The following RAB33B variants were observed in gnomAD, a reference collection of about 807,000 sequenced individuals.
RAB33B encodes ras-related protein Rab-33B.
RAB33B carries 6 observed loss-of-function variants against 15.0 expected under a neutral mutation model. The observed-to-expected ratio is 0.40, with a 90% CI of 0.22 to 0.79. RAB33B has a LOEUF of 0.79. Ranked by LOEUF, RAB33B falls within the 30% of genes least tolerant of loss-of-function variation. The pLI, the probability that RAB33B is intolerant of heterozygous loss-of-function variation, is 0.37. For missense variants in RAB33B, 257 were observed against 296.4 expected, an observed-to-expected ratio of 0.87 and a Z score of 0.98; for synonymous variants, 117 against 108.3, an observed-to-expected ratio of 1.08 and a Z score of -0.50.
intron 1 of RAB33B, among the ~76,000 whole-genome samples, chr4:139,464,895 T>C (rs1750252455): frequency 6.6e-6 from 1 of 152,248 alleles, no homozygotes; most frequent in African/African-American, 2.4e-5. Flanking sequence ...ATCCTTTGGG[T>C]ATATACCCAG....
intron 1 of RAB33B, among the ~76,000 whole-genome samples, chr4:139,468,013 C>A (rs1750323397): frequency 6.6e-6 from 1 of 150,724 alleles, no homozygotes; most frequent in South Asian, 2.1e-4. Flanking sequence ...TACCCCGAAG[C>A]CCCACTACCC....
At position 139,474,224 on chromosome 4, in the gene RAB33B, C is replaced by T. The variant is rs576660877; in HGVS notation, c.*1098C>T. On this transcript the variant is annotated 3_prime_UTR_variant, in exon 2 of 2. Coordinates refer to ENST00000305626, the MANE Select transcript of RAB33B (RefSeq NM_031296.3). The stretch of plus-strand genomic sequence containing the variant: ...AGCCGAGTTGCTTTCTTACTAAATC[C>T]TATTAAAATATGCAAAAATAAGTCA... 6.0e-4 allele frequency: 91 copies of T among 152,144 alleles called. No homozygotes were observed. The highest frequency in any genetic ancestry group is 2.4e-3 in the Admixed American group (37 of 15,270). The allele number at this position is 152,144 out of a possible 1,614,324, so 9.4% of individuals were successfully genotyped here.
At chr4:139,455,964 C>T (rs139758375) in intron 1 of RAB33B, among the ~76,000 whole-genome samples, 84 of 152,300 alleles carry the variant, frequency 5.5e-4, no homozygotes, top group African/African-American at 2.0e-3. Flanking sequence ...ATCCCGGGGA[C>T]CCCCTGTATT....
At chr4:139,456,228 CAG>C (rs1750065605) in intron 1 of RAB33B, among the ~76,000 whole-genome samples, 1 of 151,832 alleles carries the variant, frequency 6.6e-6, no homozygotes, top group African/African-American at 2.4e-5. Flanking sequence ...AAGTTGAAAG[CAG>C]AGATAGTGGA....
At chr4:139,457,104 A>T (rs1750083974) in intron 1 of RAB33B, among the ~76,000 whole-genome samples, 1 of 152,238 alleles carries the variant, frequency 6.6e-6, no homozygotes, top group Admixed American at 6.5e-5. Context: ...TTTGATAATC[A>T]TGGACTAGAA....
chr4:139,454,077 G>A, upstream of RAB33B: 2 of 1,226,028 alleles, frequency 1.6e-6, no homozygotes, highest in Non-Finnish European at 1.1e-6. Flanking sequence ...GGTGGGCGGT[G>A]GCTCCTGGGA....
chr4:139,447,735 C>T, the RAB33B span, among the ~76,000 whole-genome samples: 1 of 135,108 alleles, frequency 7.4e-6, no homozygotes, highest in African/African-American at 2.8e-5. Context: ...GGTGGGATCT[C>T]GGCTCACTGC....
At chr4:139,453,919 T>A (rs969868806), upstream of RAB33B, 2 of 306,978 alleles carry the variant, frequency 6.5e-6, no homozygotes, top group African/African-American at 4.4e-5. Context: ...CCCCGACAGG[T>A]CCCACGCCTG....
the RAB33B span, among the ~76,000 whole-genome samples, chr4:139,438,755 G>A: frequency 6.6e-6 from 1 of 152,154 alleles, no homozygotes; most frequent in Non-Finnish European, 1.5e-5. Flanking sequence ...CTCAAGTCAT[G>A]TTGTAAACAA....
At chr4:139,446,021 G>A in the RAB33B span, among the ~76,000 whole-genome samples, 1 of 152,114 alleles carries the variant, frequency 6.6e-6, no homozygotes, top group African/African-American at 2.4e-5. Flanking sequence ...ATCATTAACT[G>A]GGTGCCTTCT....
In RAB33B at chr4:139,463,989, C is replaced by G. The variant is rs146359297; in HGVS notation, c.250-8697C>G. On this transcript the variant is annotated intron_variant, in intron 1 of 1. Transcript: ENST00000305626. ...TCTACAGTAAAGTGTAGAGTTATTTCAGGCTGGGCATGATGGCTTTTGCCT... is the reference window on the plus strand; with the variant it reads ...TCTACAGTAAAGTGTAGAGTTATTTGAGGCTGGGCATGATGGCTTTTGCCT... 2.5e-3 allele frequency among the ~76,000 whole-genome samples: 385 copies of G among 152,268 alleles called. 1 individual carries two copies. The highest frequency in any genetic ancestry group is 0.01 in the Middle Eastern group (3 of 294).
intron 1 of RAB33B, among the ~76,000 whole-genome samples, chr4:139,470,693 A>G (rs1196617250): frequency 2.0e-5 from 3 of 152,224 alleles, no homozygotes; most frequent in Admixed American, 2.0e-4. Flanking sequence ...CTGTCAATGT[A>G]GTGCCTGGGT....
At chr4:139,468,734 T>C (rs149859489) in intron 1 of RAB33B, among the ~76,000 whole-genome samples, 254 of 152,376 alleles carry the variant, frequency 1.7e-3, no homozygotes, top group African/African-American at 5.0e-3. Flanking sequence ...CAGCATTTCT[T>C]GTAGCAGAGG....
intron 1 of RAB33B, 26 bp from the exon 2 acceptor site, chr4:139,472,660 T>G (rs765642589): frequency 2.0e-6 from 3 of 1,532,456 alleles, no homozygotes; most frequent in Non-Finnish European, 2.7e-6. Context: ...GATTTTCAGT[T>G]TTCCTCTTTT....
At chr4:139,438,573 C>T in the RAB33B span, among the ~76,000 whole-genome samples, 1 of 151,510 alleles carries the variant, frequency 6.6e-6, no homozygotes, top group East Asian at 1.9e-4. Context: ...TCTTTGACTA[C>T]CTGCCAACCC....
intron 1 of RAB33B, among the ~76,000 whole-genome samples, chr4:139,469,989 C>T (rs1009754984): frequency 6.6e-6 from 1 of 152,102 alleles, no homozygotes; most frequent in Non-Finnish European, 1.5e-5. Context: ...GTCTAGACTG[C>T]ACTAGACCTG....
chr4:139,473,247 C>A lies in RAB33B; in HGVS notation c.*121C>A. ...GTCATCTTGACACTTTGCTGTTTGT[C>A]ATTGTCACGCTTTTGTATTTTGTAT... On this transcript the variant is annotated 3_prime_UTR_variant, in exon 2 of 2. Coordinates refer to ENST00000305626, the MANE Select transcript of RAB33B (RefSeq NM_031296.3). 1 of 903,492 alleles carries A rather than the reference C, an allele frequency of 1.1e-6. No individual in the cohort carries two copies. The highest frequency in any genetic ancestry group is 1.6e-6 in the Non-Finnish European group (1 of 617,814). 56.0% of individuals were successfully genotyped at this position (903,492 alleles called of 1,614,324 possible).
intron 1 of RAB33B, among the ~76,000 whole-genome samples, chr4:139,465,331 C>T (rs1490353460): frequency 2.6e-5 from 4 of 152,166 alleles, no homozygotes; most frequent in Admixed American, 6.6e-5. Context: ...TTCTCTCATT[C>T]TGTAGGTTGC....
chr4:139,439,300 A>G, the RAB33B span, among the ~76,000 whole-genome samples: 1 of 152,184 alleles, frequency 6.6e-6, no homozygotes. Context: ...GTGCCTGGCC[A>G]GATATGGAAT....
Sources: allele counts gnomAD v4.1 joint callset (sites outside exome capture counted in the v4.1 genomes callset), GRCh38; gene constraint gnomAD v4.1.1; transcripts MANE v1.5; gene names NCBI Gene and HGNC (gene_info 2026-07-23, HGNC 2026-07-21).